The following STX11 variants were observed in gnomAD, a reference collection of about 807,000 sequenced individuals.
STX11 encodes the protein syntaxin 11.
Under a neutral mutation model 19.9 loss-of-function variants are expected in STX11, and 21 were observed. That is an observed-to-expected ratio of 1.06 (90% CI 0.75 to 1.52). STX11 has a LOEUF of 1.52. STX11 is among the 40% of genes most tolerant of loss of function. The pLI is 0.00. For missense variants in STX11, 438 were observed against 405.9 expected (o/e 1.08, Z -0.68); for synonymous variants, 193 against 174.4 (o/e 1.11, Z -0.84).
At chr6:144,166,233 A>C (rs572368278) in intron 1 of STX11, among the ~76,000 whole-genome samples, 106 of 152,336 alleles carry the variant, frequency 7.0e-4, no homozygotes, top group African/African-American at 2.6e-3. Flanking sequence ...TGAGACACTT[A>C]TGAAGAAGAG....
chr6:144,169,719 T>A lies in STX11; in HGVS notation c.-5-16904T>A, dbSNP rs188760105. Among the ~76,000 whole-genome samples, 1 of 145,000 alleles carries A rather than the reference T, an allele frequency of 6.9e-6. No homozygotes were observed. Among genetic ancestry groups the A allele is most frequent in the Non-Finnish European group, 1.5e-5 (1 of 66,054 alleles). On this transcript the variant is annotated intron_variant, in intron 1 of 1. Coordinates refer to ENST00000367568, the MANE Select transcript of STX11 (RefSeq NM_003764.4). The surrounding 1 kb of genome is among the most constrained non-coding windows in gnomAD (Gnocchi z 5.2). ...TTCCTTCCTACCTATGAGGTCTTGC[T>A]CTGTCACCCAGGCTGGAGTGCAGTG... is the stretch of plus-strand genomic sequence containing the variant.
Position 144,155,004 on chromosome 6 carries a change from C to G in STX11, c.-6+4301C>G, listed in dbSNP as rs1801097632. Among the ~76,000 whole-genome samples the G allele has an allele frequency of 2.6e-5, 4 of 152,122 alleles. No individual in the cohort carries two copies. In the East Asian group the frequency reaches 7.7e-4, roughly 29 times the overall value. ...CTGTTCTCATTGTTGATAATTCAAC[C>G]TACCCTGACTTGGATTAATATCCTG... On this transcript the variant is annotated intron_variant, in intron 1 of 1. Coordinates refer to ENST00000367568, the MANE Select transcript of STX11 (RefSeq NM_003764.4). This position sits in a 1 kb window ranked among gnomAD's most constrained non-coding sequence, Gnocchi z 4.5.
At chr6:144,148,755 C>CTTATT (rs887973810), upstream of STX11, among the ~76,000 whole-genome samples, 5 of 152,086 alleles carry the variant, frequency 3.3e-5, no homozygotes, top group African/African-American at 7.2e-5. Flanking sequence ...TCAGACTTTC[C>CTTATT]TTATTTTATT....
the STX11 span, chr6:144,140,848 A>C: frequency 1.1e-6 from 1 of 938,440 alleles, no homozygotes. Context: ...GTTTCTAAAT[A>C]GATGACACAA....
chr6:144,143,968 C>T, the STX11 span, among the ~76,000 whole-genome samples: 1 of 152,148 alleles, frequency 6.6e-6, no homozygotes, highest in South Asian at 2.1e-4. Flanking sequence ...AAGAAAAAAA[C>T]ATATTTTCTA....
chr6:144,178,213 T>C (rs1385646609), intron 1 of STX11, among the ~76,000 whole-genome samples: 1 of 152,206 alleles, frequency 6.6e-6, no homozygotes, highest in Non-Finnish European at 1.5e-5. Context: ...ATATCTCAAC[T>C]CCATAACTGT....
intron 1 of STX11, among the ~76,000 whole-genome samples, chr6:144,179,710 A>T (rs977256386): frequency 2.6e-5 from 4 of 152,240 alleles, no homozygotes; most frequent in African/African-American, 9.6e-5. Flanking sequence ...GGCTTTATCC[A>T]CCCAGAGAAA....
chr6:144,191,888 G>T lies in STX11; in HGVS notation c.*4397G>T, dbSNP rs1248541425. ...ATGGGCAAGATGTCCTTATATACTA[G>T]AAGCTTTTGTAAAGTCATGTGTCTA... On this transcript the variant is annotated 3_prime_UTR_variant, in exon 2 of 2. Transcript: ENST00000367568. Among the ~76,000 whole-genome samples the T allele has an allele frequency of 6.6e-6, 1 of 152,182 alleles. No individual in the cohort carries two copies. The highest frequency in any genetic ancestry group is 1.5e-5 in the Non-Finnish European group (1 of 68,048).
chr6:144,157,105 C>T (rs1801190896), intron 1 of STX11, among the ~76,000 whole-genome samples: 1 of 152,172 alleles, frequency 6.6e-6, no homozygotes, highest in Admixed American at 6.6e-5. Flanking sequence ...GAAACAGACC[C>T]TGAGACTCTG....
In STX11 at chr6:144,167,684, T is replaced by A. The variant is rs563148913; in HGVS notation, c.-6+16981T>A. ...CTCAGGTTAAAGTGCAGTGGCACGA[T>A]CACAGCTCACTGAAGCCTTAACCTC... On this transcript the variant is annotated intron_variant, in intron 1 of 1. Coordinates refer to ENST00000367568, the MANE Select transcript of STX11 (RefSeq NM_003764.4). This position sits in a 1 kb window ranked among gnomAD's most constrained non-coding sequence, Gnocchi z 5.0. Among the ~76,000 whole-genome samples, 1 of 152,208 alleles carries A rather than the reference T, an allele frequency of 6.6e-6. No homozygotes were observed. Among genetic ancestry groups the A allele is most frequent in the Non-Finnish European group, 1.5e-5 (1 of 68,036 alleles).
At chr6:144,141,973 C>T in the STX11 span, among the ~76,000 whole-genome samples, 4 of 151,886 alleles carry the variant, frequency 2.6e-5, no homozygotes, top group Admixed American at 2.6e-4. Flanking sequence ...AGAGCCACTG[C>T]GCCCGGCCTC....
intron 1 of STX11, among the ~76,000 whole-genome samples, chr6:144,173,111 C>T (rs1801684836): frequency 6.6e-6 from 1 of 152,172 alleles, no homozygotes; most frequent in Non-Finnish European, 1.5e-5. Context: ...CTTATTTTTG[C>T]TCCTAAATAG....
In STX11 at chr6:144,189,323, A is replaced by G. The variant is rs1418103446; in HGVS notation, c.*1832A>G. Among the ~76,000 whole-genome samples, 1 of 152,180 alleles carries G rather than the reference A, an allele frequency of 6.6e-6. No individual in the cohort carries two copies. Among genetic ancestry groups the G allele is most frequent in the Non-Finnish European group, 1.5e-5 (1 of 68,020 alleles). ...AGGCCTGAGCCACTGACCCTGGCCA[A>G]ATTTTTTTTCTACTAGCTACTGAGG... On this transcript the variant is annotated 3_prime_UTR_variant, in exon 2 of 2. Coordinates refer to ENST00000367568, the MANE Select transcript of STX11 (RefSeq NM_003764.4).
At position 144,184,803 on chromosome 6, in the gene STX11, CTT is replaced by C. The variant is rs889681150; in HGVS notation, c.-5-1819_-5-1818del. Among the ~76,000 whole-genome samples the C allele has an allele frequency of 6.6e-6, 1 of 152,190 alleles. No individual in the cohort carries two copies. Among genetic ancestry groups the C allele is most frequent in the African/African-American group, 2.4e-5 (1 of 41,430 alleles). On this transcript the variant is annotated intron_variant, in intron 1 of 1. Transcript: ENST00000367568. The surrounding 1 kb of genome is among the most constrained non-coding windows in gnomAD (Gnocchi z 6.5). ...CGTTTATGTTCTCTGTCATTTACAT[CTT>C]CTCTGAATTGCTTCACTGTCTTTGG...
upstream of STX11, among the ~76,000 whole-genome samples, chr6:144,148,125 A>G (rs1336561679): frequency 1.3e-5 from 2 of 152,202 alleles, no homozygotes; most frequent in African/African-American, 4.8e-5. Flanking sequence ...AGCTTCTCTG[A>G]TAAACATTCT....
At chr6:144,150,751 C>A in intron 1 of STX11, 48 bp downstream of exon 1, 1 of 975,492 alleles carries the variant, frequency 1.0e-6, no homozygotes, top group Non-Finnish European at 1.2e-6. Flanking sequence ...TGACTATTTT[C>A]CCCGTGCGCG....
Position 144,158,959 on chromosome 6 carries a change from T to C in STX11, c.-6+8256T>C, listed in dbSNP as rs80187743. Among the ~76,000 whole-genome samples, 960 of 152,322 alleles carry C rather than the reference T, an allele frequency of 6.3e-3. 6 individuals are homozygous for C. Among genetic ancestry groups the C allele is most frequent in the South Asian group, 0.027 (132 of 4,828 alleles). ...CCAAGCTAACTCCTTTTAAACCTTT[T>C]AGGATCAGCTCAGACACCACCTTCC... is the stretch of plus-strand genomic sequence containing the variant. On this transcript the variant is annotated intron_variant, in intron 1 of 1. Transcript: ENST00000367568.
At chr6:144,163,291 G>C (rs2128749637) in intron 1 of STX11, among the ~76,000 whole-genome samples, 1 of 152,004 alleles carries the variant, frequency 6.6e-6, no homozygotes, top group African/African-American at 2.4e-5. Flanking sequence ...ATGCTTTATG[G>C]GCTAGGCGTC....
rs1305858083 is a variant in STX11 at position 144,159,219 on chromosome 6, A to G, written c.-6+8516A>G. On this transcript the variant is annotated intron_variant, in intron 1 of 1. Coordinates refer to ENST00000367568, the MANE Select transcript of STX11 (RefSeq NM_003764.4). This position sits in a 1 kb window ranked among gnomAD's most constrained non-coding sequence, Gnocchi z 4.3. ...CTATATGCCGGGTGCTCTGGAGTAA[A>G]TGGTGCAGACACAACAGGTACAGCT... Among the ~76,000 whole-genome samples the G allele has an allele frequency of 6.6e-6, 1 of 152,192 alleles. No individual in the cohort carries two copies. Among genetic ancestry groups the G allele is most frequent in the African/African-American group, 2.4e-5 (1 of 41,420 alleles).
Sources: gnomAD v4.1 joint callset for allele counts (sites outside exome capture counted in the v4.1 genomes callset) on GRCh38, gnomAD v4.1.1 for gene constraint, Gnocchi (gnomAD v3.1) non-coding constraint, MANE v1.5 for transcripts, NCBI Gene and HGNC (gene_info 2026-07-23, HGNC 2026-07-21) for gene names.